Variants in DYSF observed in about 807,000 individuals in gnomAD.
DYSF encodes dystrophy-associated fer-1-like 1.
DYSF carries 212 observed loss-of-function variants against 274.9 expected under a neutral mutation model. The ratio of observed to expected loss-of-function variants is 0.77; its 90% CI spans 0.69 to 0.86. The LOEUF (loss-of-function observed/expected upper bound fraction) is 0.86, where lower values mean the gene tolerates loss of function less well. Ranked by LOEUF, DYSF falls within the 40% of genes least tolerant of loss-of-function variation. DYSF has a pLI of 0.00. For missense variants in DYSF, 2,666 were observed against 2,783.2 expected (o/e 0.96, Z 0.95); for synonymous variants, 1,091 against 1,078.7 (o/e 1.01, Z -0.22).
chr2:71,540,114 C>CTTTTTTTTTTTTTTTTTTTTTTTTTT (rs565221959), intron 17 of DYSF, among the ~76,000 whole-genome samples: 1 of 133,776 alleles, frequency 7.5e-6, no homozygotes, highest in African/African-American at 2.9e-5. Flanking sequence ...CTTTTTTTTT[C>CTTTTTTTTTTTTTTTTTTTTTTTTTT]TTTTTTTTTT....
intron 41 of DYSF, among the ~76,000 whole-genome samples, chr2:71,623,071 T>C (rs541499433): frequency 1.2e-4 from 18 of 152,226 alleles, no homozygotes; most frequent in Non-Finnish European, 2.2e-4. Flanking sequence ...AATCGGTCAA[T>C]TGGTCATGGT....
At chr2:71,549,442 T>C (rs1183884263) in intron 17 of DYSF, 3 of 1,586,022 alleles carry the variant, frequency 1.9e-6, no homozygotes, top group Admixed American at 3.4e-5. Flanking sequence ...CCTTGGGTTT[T>C]GGCTAGAGGG....
At chr2:71,540,259 C>T (rs138572816) in intron 17 of DYSF, among the ~76,000 whole-genome samples, 4,722 of 152,034 alleles carry the variant, frequency 0.031, 105 homozygotes, top group Non-Finnish European at 0.048. Context: ...TACAGGCGCG[C>T]GCCACCACGC....
At chr2:71,613,164 T>C (rs2093804823) in intron 39 of DYSF, among the ~76,000 whole-genome samples, 170 bp from the exon 40 acceptor site, 1 of 151,530 alleles carries the variant, frequency 6.6e-6, no homozygotes, top group Admixed American at 6.6e-5. Context: ...ATGGGAGAGA[T>C]GGAGATGAGA....
intron 32 of DYSF, among the ~76,000 whole-genome samples, chr2:71,596,122 G>C (rs928843214): frequency 6.6e-6 from 1 of 151,028 alleles, no homozygotes; most frequent in Non-Finnish European, 1.5e-5. Flanking sequence ...TGCCTTTGTT[G>C]TGTGTTTTTT....
At chr2:71,621,809 A>G (rs959333130) in intron 41 of DYSF, among the ~76,000 whole-genome samples, 24 of 152,050 alleles carry the variant, frequency 1.6e-4, no homozygotes, top group Non-Finnish European at 3.4e-4. Context: ...ACAGGTGCGC[A>G]ACACCACACG....
At chr2:71,493,414 C>T (rs903578107) in intron 3 of DYSF, among the ~76,000 whole-genome samples, 5 of 152,066 alleles carry the variant, frequency 3.3e-5, no homozygotes, top group African/African-American at 1.2e-4. Context: ...TATAGTATCC[C>T]TTTTTTCTAA....
chr2:71,530,423 A>C (rs868240569), intron 14 of DYSF, among the ~76,000 whole-genome samples: 1 of 152,320 alleles, frequency 6.6e-6, no homozygotes, highest in Non-Finnish European at 1.5e-5. Flanking sequence ...CCCTGCCAGC[A>C]TCTTTGATCT....
intron 10 of DYSF, among the ~76,000 whole-genome samples, chr2:71,518,966 G>T (rs773973306): frequency 6.6e-6 from 1 of 151,590 alleles, no homozygotes; most frequent in Non-Finnish European, 1.5e-5. Flanking sequence ...GGTGGTATGC[G>T]CCTGTAATCC....
chr2:71,561,385 G>A (rs769647090), intron 22 of DYSF, among the ~76,000 whole-genome samples: 5 of 152,060 alleles, frequency 3.3e-5, no homozygotes, highest in Non-Finnish European at 5.9e-5. Flanking sequence ...GATCCAGGAG[G>A]CAGGAGCAGG....
At chr2:71,457,847 C>A (rs774690345) in intron 1 of DYSF, among the ~76,000 whole-genome samples, 1 of 152,160 alleles carries the variant, frequency 6.6e-6, no homozygotes, top group Non-Finnish European at 1.5e-5. Context: ...CTGAGGTGGG[C>A]AACCTGTGGT....
chr2:71,552,955 C>G (rs1339871754), intron 19 of DYSF, 56 bp from the exon 20 acceptor site: 2 of 1,594,980 alleles, frequency 1.3e-6, no homozygotes, highest in African/African-American at 2.7e-5. Context: ...CCCTCCCCAG[C>G]CTGGGTGCCT....
At chr2:71,592,886 C>T (rs897550214) in intron 32 of DYSF, among the ~76,000 whole-genome samples, 1 of 152,176 alleles carries the variant, frequency 6.6e-6, no homozygotes, top group Non-Finnish European at 1.5e-5. Flanking sequence ...GCAGGGGTTG[C>T]CCAGAAAACA....
chr2:71,667,382 G>T lies in DYSF; in HGVS notation c.5324G>T (p.Gly1775Val), dbSNP rs1488637897. The change falls in exon 48 of 56, where the codon GGC becomes GTC. Residue 1775 changes from glycine to valine, a missense_variant. Coordinates refer to ENST00000410020, the MANE Select transcript of DYSF (RefSeq NM_001130987.2). Reference sequence around the variant, plus strand: ...TGTCTTCTCTCTGGGGCAGAGGCTGGCAGGATCCCAAACCCACACCTGGGC... The same window carrying T: ...TGTCTTCTCTCTGGGGCAGAGGCTGTCAGGATCCCAAACCCACACCTGGGC... Reference protein sequence around the residue: ...KEYSIEEIEAGRIPNPHLGPV... With the variant: ...KEYSIEEIEAVRIPNPHLGPV... 2 of 1,614,106 alleles carry T rather than the reference G, an allele frequency of 1.2e-6. No homozygotes were observed. Among genetic ancestry groups the T allele is most frequent in the Non-Finnish European group, 1.7e-6 (2 of 1,180,024 alleles).
Position 71,589,690 on chromosome 2 carries a change from A to G in DYSF, c.3496+4A>G. ...ACGATTTCCTGCATATTCGACTGTA[A>G]GTGAGGCTTCGAGGCCTCTATGGGG... On this transcript the variant is annotated splice_donor_region_variant and intron_variant, in intron 31 of 55. Transcript: ENST00000410020. 3.1e-6 allele frequency: 5 copies of G among 1,613,762 alleles called. No individual in the cohort carries two copies. Among genetic ancestry groups the G allele is most frequent in the Non-Finnish European group, 4.2e-6 (5 of 1,179,686 alleles).
At chr2:71,547,094 C>T (rs2090535736) in intron 17 of DYSF, among the ~76,000 whole-genome samples, 1 of 152,246 alleles carries the variant, frequency 6.6e-6, no homozygotes, top group South Asian at 2.1e-4. Context: ...CACAATAAAA[C>T]ACTTGTGTTT....
intron 41 of DYSF, among the ~76,000 whole-genome samples, chr2:71,635,340 C>T (rs1032624606): frequency 6.6e-6 from 1 of 152,116 alleles, no homozygotes; most frequent in African/African-American, 2.4e-5. Flanking sequence ...CAAGGATCAC[C>T]CCCTCTTTCC....
At chr2:71,674,340 C>T (rs1469679505) in intron 52 of DYSF, 44 bp downstream of exon 52, 3 of 1,576,708 alleles carry the variant, frequency 1.9e-6, no homozygotes, top group Middle Eastern at 1.7e-4. Flanking sequence ...TGGGGGCTGC[C>T]CCAGAACCCA....
At chr2:71,479,264 T>C (rs574321845) in intron 1 of DYSF, among the ~76,000 whole-genome samples, 4 of 151,912 alleles carry the variant, frequency 2.6e-5, no homozygotes, top group Non-Finnish European at 5.9e-5. Context: ...CCCAGGGCAC[T>C]GCAGAACAAA....
Sources: gnomAD v4.1 joint callset for allele counts (sites outside exome capture counted in the v4.1 genomes callset) on GRCh38, gnomAD v4.1.1 for gene constraint, MANE v1.5 for transcripts, NCBI Gene and HGNC (gene_info 2026-07-23, HGNC 2026-07-21) for gene names.